STARD9: variants seen among roughly 807,000 people sequenced by gnomAD.
STARD9 encodes the protein stAR-related lipid transfer protein 9.
A neutral mutation model predicts 399.8 loss-of-function variants in STARD9; 346 were observed. The observed-to-expected ratio is 0.87, with a 90% CI of 0.79 to 0.95. The LOEUF (loss-of-function observed/expected upper bound fraction) is 0.95, where lower values mean the gene tolerates loss of function less well. STARD9 is among the 40% of genes least tolerant of loss of function. The pLI is 0.00. For synonymous variants in STARD9, 2,203 were observed against 2,143.5 expected (o/e 1.03, Z -0.77); for missense variants, 5,832 against 5,667.5 (o/e 1.03, Z -0.93).
chr15:42,675,482 T>G (rs909661033), intron 18 of STARD9, 182 bp from the exon 19 acceptor site: 1 of 586,082 alleles, frequency 1.7e-6, no homozygotes, highest in East Asian at 2.9e-5. Flanking sequence ...GAGTTCTTCC[T>G]GTCTGTCTTA....
rs2061422474 is a variant in STARD9 at position 42,719,947 on chromosome 15, G to A, written c.*373G>A. ...CCGGGGACTGCAGTGCTTTGGCAAG[G>A]TGCTTCCGCAGGCTGGTAGGGAAGC... On this transcript the variant is annotated 3_prime_UTR_variant, in exon 33 of 33. Coordinates refer to ENST00000290607, the MANE Select transcript of STARD9 (RefSeq NM_020759.3). 5.6e-6 allele frequency: 1 copy of A among 179,034 alleles called. No individual in the cohort carries two copies. The highest frequency in any genetic ancestry group is 5.9e-5 in the Admixed American group (1 of 16,892). The allele number at this position is 179,034 out of a possible 1,614,324, so 11.1% of individuals were successfully genotyped here.
At chr15:42,705,157 C>T (rs2061048123) in intron 26 of STARD9, among the ~76,000 whole-genome samples, 1 of 152,208 alleles carries the variant, frequency 6.6e-6, no homozygotes, top group South Asian at 2.1e-4. Flanking sequence ...GTCCCATGTC[C>T]ACTAACCTCT....
intron 3 of STARD9, among the ~76,000 whole-genome samples, chr15:42,594,919 G>C (rs1485059349): frequency 2.6e-5 from 4 of 152,148 alleles, no homozygotes; most frequent in Non-Finnish European, 4.4e-5. Context: ...AATGTGACCA[G>C]GTGTGATTAG....
chr15:42,629,360 A>C (rs2059285412), intron 3 of STARD9, among the ~76,000 whole-genome samples: 2 of 152,130 alleles, frequency 1.3e-5, no homozygotes, highest in African/African-American at 4.8e-5. Flanking sequence ...GGTTAAGACT[A>C]TTCCTAGGTA....
At chr15:42,699,101 A>G (rs12592374) in intron 26 of STARD9, among the ~76,000 whole-genome samples, 14,881 of 152,188 alleles carry the variant, frequency 0.098, 1,968 homozygotes, top group African/African-American at 0.31. Flanking sequence ...TTCAATCCAC[A>G]TATGCATTGC....
At chr15:42,617,352 A>G (rs1350692151) in intron 3 of STARD9, among the ~76,000 whole-genome samples, 1 of 152,154 alleles carries the variant, frequency 6.6e-6, no homozygotes, top group Non-Finnish European at 1.5e-5. Flanking sequence ...GGTGATAACT[A>G]TTACCTATAA....
intron 9 of STARD9, among the ~76,000 whole-genome samples, chr15:42,659,519 T>A (rs1432499277): frequency 6.6e-6 from 1 of 152,026 alleles, no homozygotes; most frequent in African/African-American, 2.4e-5. Context: ...AGGGTTTTCT[T>A]TGTTTGTTTT....
Position 42,685,699 on chromosome 15 carries a change from C to T in STARD9, c.4121C>T (p.Pro1374Leu). Reference sequence around the variant, plus strand: ...TTTCACTCCTGTAAGGGGGAGAGGCCTGGATACTGGCCAAATACTGAGGAA... The same window carrying T: ...TTTCACTCCTGTAAGGGGGAGAGGCTTGGATACTGGCCAAATACTGAGGAA... The part of the protein sequence containing the change: ...QEFHSCKGER[P>L]GYWPNTEELK... Residue 1374 changes from proline to leucine, a missense_variant, in exon 23 of 33, where the codon CCT becomes CTT. Around this residue, in one of 2 missense-constraint regions of STARD9, gnomAD observed 5,828 missense variants for 5,651.1 expected, o/e 1.03. Coordinates refer to ENST00000290607, the MANE Select transcript of STARD9 (RefSeq NM_020759.3). 1 of 1,537,290 alleles carries T rather than the reference C, an allele frequency of 6.5e-7. No homozygotes were observed. Among genetic ancestry groups the T allele is most frequent in the Non-Finnish European group, 8.7e-7 (1 of 1,146,976 alleles).
intron 24 of STARD9, among the ~76,000 whole-genome samples, 170 bp from the exon 25 acceptor site, chr15:42,694,970 C>A (rs924682240): frequency 6.6e-6 from 1 of 152,106 alleles, no homozygotes; most frequent in African/African-American, 2.4e-5. Flanking sequence ...TGGCTTGGTT[C>A]TCTCTGTCCA....
intron 26 of STARD9, among the ~76,000 whole-genome samples, chr15:42,696,505 C>T (rs908233384): frequency 1.8e-4 from 28 of 152,128 alleles, no homozygotes; most frequent in African/African-American, 6.8e-4. Flanking sequence ...AGAGTTCTGG[C>T]CCCTTTCTAA....
chr15:42,693,986 C>G lies in STARD9; in HGVS notation c.12408C>G (p.Leu4136=). The G allele has an allele frequency of 6.6e-7, 1 of 1,512,174 alleles. No homozygotes were observed. The highest frequency in any genetic ancestry group is 1.3e-5 in the South Asian group (1 of 79,980). The allele number at this position is 1,512,174 out of a possible 1,614,324, so 93.7% of individuals were successfully genotyped here. ...PEHQHHSLRD[L]PVHNKFSNWC... is the part of the protein sequence containing the mutation. ...ACCAGCACCACAGTCTGAGGGACCTCCCGGTGCATAACAAATTTAGTAACT... is the reference window on the plus strand; with the variant it reads ...ACCAGCACCACAGTCTGAGGGACCTGCCGGTGCATAACAAATTTAGTAACT... The change falls in exon 23 of 33, where the codon CTC becomes CTG. Residue 4136 remains leucine (L), a synonymous_variant. Transcript: ENST00000290607.
chr15:42,684,856 C>G lies in STARD9; in HGVS notation c.3278C>G (p.Ser1093Ter). 1 of 1,537,104 alleles carries G rather than the reference C, an allele frequency of 6.5e-7. No homozygotes were observed. Among genetic ancestry groups the G allele is most frequent in the Non-Finnish European group, 8.7e-7 (1 of 1,146,912 alleles). ...GATTTCAGCCCAGTAATGGATCATT[C>G]AAGAGAAAAAGACAATGATTTATCT... is the stretch of plus-strand genomic sequence containing the variant. ...LTDFSPVMDHSREKDNDLSDT... is the reference protein window; with the variant it reads ...LTDFSPVMDH The change falls in exon 23 of 33, where the codon TCA (serine) becomes TGA (stop). Residue 1093 changes from serine to a stop codon, truncating the protein, a stop_gained. Coordinates refer to ENST00000290607, the MANE Select transcript of STARD9 (RefSeq NM_020759.3). LOFTEE classifies it high-confidence loss of function.
rs2060772431 is a variant in STARD9, at chr15:42,693,726, A to C, written c.12148A>C (p.Ser4050Arg). ...TTGCCCACTGAGCGGTAGGGAGCCA[A>C]GTCAGTGGCAGAGCAGGACAGAAAA... ...EHCPLSGREP[S>R]QWQSRTENGG... Residue 4050 changes from serine to arginine, a missense_variant, in exon 23 of 33, where the codon AGT becomes CGT. Around this residue, in one of 2 missense-constraint regions of STARD9, gnomAD observed 5,828 missense variants for 5,651.1 expected, o/e 1.03. Transcript: ENST00000290607. 7.2e-6 allele frequency: 11 copies of C among 1,536,966 alleles called. No individual in the cohort carries two copies. The highest frequency in any genetic ancestry group is 2.0e-5 in the Admixed American group (1 of 51,004).
At chr15:42,616,080 G>A (rs956512966) in intron 3 of STARD9, among the ~76,000 whole-genome samples, 1 of 151,898 alleles carries the variant, frequency 6.6e-6, no homozygotes. Flanking sequence ...AGCATTGTTT[G>A]TAATTTGAAA....
chr15:42,577,637 G>C (rs1355723026), intron 1 of STARD9, among the ~76,000 whole-genome samples: 1 of 152,194 alleles, frequency 6.6e-6, no homozygotes, highest in Non-Finnish European at 1.5e-5. Context: ...CAAGACTGTA[G>C]ATACCCAGGT....
intron 7 of STARD9, among the ~76,000 whole-genome samples, chr15:42,648,472 T>C (rs1241110824): frequency 1.3e-5 from 2 of 152,178 alleles, no homozygotes; most frequent in Non-Finnish European, 2.9e-5. Flanking sequence ...CTGCTTTTCT[T>C]GTTCTTGAAG....
In STARD9 at chr15:42,718,433, A is replaced by G. The variant is rs952888083; in HGVS notation, c.13763-2A>G. On this transcript the variant is annotated splice_acceptor_variant, in intron 30 of 32. Transcript: ENST00000290607. LOFTEE classifies it high-confidence loss of function. The stretch of plus-strand genomic sequence containing the variant: ...TGACCTTCCTTATCCCTGTCCCTCC[A>G]GTGTACTTGGTGTGCAACACCACCC... The G allele has an allele frequency of 4.2e-5, 65 of 1,536,440 alleles. No homozygotes were observed. The highest frequency in any genetic ancestry group is 5.3e-5 in the Non-Finnish European group (61 of 1,146,346).
In STARD9 at chr15:42,682,535, C is replaced by A; in HGVS notation, c.2497C>A (p.Pro833Thr). Reference protein sequence around the residue: ...SKLTSCSSLSPQRLCSKHMPQ... With the variant: ...SKLTSCSSLSTQRLCSKHMPQ... ...ATTGACGAGTTGCAGTTCTTTGAGC[C>A]CCCAAAGACTCTGCAGCAAGCACAT... is the stretch of plus-strand genomic sequence containing the variant. Residue 833 changes from proline (P) to threonine (T), a missense_variant, in exon 22 of 33, where the codon CCC (proline) becomes ACC (threonine). Physicochemically the swap from Pro to Thr is conservative, Grantham distance 38. Around this residue, in one of 2 missense-constraint regions of STARD9, gnomAD observed 5,828 missense variants for 5,651.1 expected, o/e 1.03. Transcript: ENST00000290607. The A allele has an allele frequency of 6.5e-7, 1 of 1,537,090 alleles. No homozygotes were observed.
rs1291388732 is a variant in STARD9, at chr15:42,688,385, A to G, written c.6807A>G (p.Pro2269=). ...EHVSSSNQEE[P]KAQGKVEEMP... is the part of the protein sequence containing the mutation. ...TAAGTAGTTCCAACCAAGAAGAGCC[A>G]AAAGCTCAAGGTAAAGTTGAAGAAA... Residue 2269 remains proline (P), a synonymous_variant, in exon 23 of 33, where the codon CCA becomes CCG. Coordinates refer to ENST00000290607, the MANE Select transcript of STARD9 (RefSeq NM_020759.3). 2.0e-6 allele frequency: 3 copies of G among 1,537,458 alleles called. No individual in the cohort carries two copies. Among genetic ancestry groups the G allele is most frequent in the South Asian group, 2.4e-5 (2 of 84,046 alleles).
Sources: gnomAD v4.1 joint callset for allele counts (sites outside exome capture counted in the v4.1 genomes callset) on GRCh38, gnomAD v4.1.1 for gene constraint, gnomAD v4.1.1 regional missense constraint, MANE v1.5 for transcripts, NCBI Gene and HGNC (gene_info 2026-07-23, HGNC 2026-07-21) for gene names.